Variants in IL17B observed in about 807,000 individuals in gnomAD.
IL17B encodes interleukin-17B.
In IL17B, 14 loss-of-function variants were observed where a neutral mutation model predicts 14.7. The ratio of observed to expected loss-of-function variants is 0.95; its 90% CI spans 0.63 to 1.49. IL17B has a LOEUF of 1.49. IL17B is among the 40% of genes most tolerant of loss of function. The probability of loss-of-function intolerance (pLI) is 0.00; values close to 1 mark genes in which losing one functional copy is unlikely to be tolerated. For synonymous variants in IL17B, 105 were observed against 94.8 expected (o/e 1.11, Z -0.62); for missense variants, 233 against 252.8 (o/e 0.92, Z 0.53).
intron 1 of IL17B, among the ~76,000 whole-genome samples, chr5:149,392,967 TGCGC>T (rs71740356): frequency 6.8e-6 from 1 of 147,394 alleles, no homozygotes; most frequent in African/African-American, 2.5e-5. Context: ...TGCGTGTGTG[TGCGC>T]GCGTGCGTGT....
chr5:149,390,587 G>GCACACA lies in IL17B; in HGVS notation n.95+13515_95+13520dup, dbSNP rs56268721. ...TCACAGCACCTCCATCCCTGAGTTA[G>GCACACA]CACACACACACACACACACACACAC... is the stretch of plus-strand genomic sequence containing the variant. On this transcript the variant is annotated intron_variant and non_coding_transcript_variant, in intron 1 of 2. Transcript: ENST00000505432. Among the ~76,000 whole-genome samples, 571 of 114,900 alleles carry GCACACA rather than the reference G, an allele frequency of 5.0e-3. 4 individuals are homozygous for GCACACA. Among genetic ancestry groups the GCACACA allele is most frequent in the East Asian group, 9.5e-3 (37 of 3,906 alleles). The allele number at this position is 114,900 out of a possible 152,430, so 75.4% of individuals were successfully genotyped here.
upstream of IL17B, among the ~76,000 whole-genome samples, chr5:149,384,125 C>T (rs1758768456): frequency 6.6e-6 from 1 of 152,154 alleles, no homozygotes; most frequent in African/African-American, 2.4e-5. Context: ...ATGCACAGTC[C>T]ATTTTTTAAA....
intron 1 of IL17B, among the ~76,000 whole-genome samples, chr5:149,391,782 A>G (rs115197721): frequency 7.5e-4 from 114 of 152,256 alleles, no homozygotes; most frequent in African/African-American, 2.4e-3. Flanking sequence ...GCAATAGAGG[A>G]GGGTGACTGA....
upstream of IL17B, among the ~76,000 whole-genome samples, chr5:149,379,991 C>T (rs1231715036): frequency 6.6e-6 from 1 of 152,222 alleles, no homozygotes; most frequent in Non-Finnish European, 1.5e-5. Flanking sequence ...CGCCCTCACT[C>T]TGGCCAAGTT....
chr5:149,398,235 T>A (rs546508695), intron 1 of IL17B, among the ~76,000 whole-genome samples: 5 of 152,300 alleles, frequency 3.3e-5, no homozygotes, highest in Admixed American at 1.3e-4. Context: ...CCCATGATTG[T>A]GATTTTAGGG....
intron 1 of IL17B, among the ~76,000 whole-genome samples, chr5:149,393,234 G>A (rs189282955): frequency 1.1e-4 from 17 of 152,242 alleles, no homozygotes; most frequent in African/African-American, 3.6e-4. Flanking sequence ...TGTTCCCTTT[G>A]CTTCAATGCC....
At chr5:149,383,576 CCTT>C (rs1758755373), upstream of IL17B, among the ~76,000 whole-genome samples, 1 of 152,208 alleles carries the variant, frequency 6.6e-6, no homozygotes, top group Non-Finnish European at 1.5e-5. Flanking sequence ...TGGTAGGAGT[CCTT>C]CTCCCAGGCC....
rs539444036 is a variant in IL17B, at chr5:149,394,982, C to T, written n.95+9126G>A. On this transcript the variant is annotated intron_variant and non_coding_transcript_variant, in intron 1 of 2. Coordinates refer to the IL17B transcript ENST00000505432. ...ATTATTTCATCACCCAGGTAACAAA[C>T]GTAATACCTGATAGATACATTTTTT... 9.9e-5 allele frequency among the ~76,000 whole-genome samples: 15 copies of T among 152,212 alleles called. No individual in the cohort carries two copies. The South Asian group carries it at 2.1e-3, about 21-fold the overall frequency.
In IL17B at chr5:149,376,808, G is replaced by A. The variant is rs754362858; in HGVS notation, c.239C>T (p.Ala80Val). Residue 80 changes from alanine to valine, a missense_variant, in exon 2 of 3, where the codon GCC (alanine) becomes GTC (valine). Transcript: ENST00000261796. ...VAQLRNSSEL[A>V]QRKCEVNLQL... is the part of the protein sequence containing the mutation. The stretch of plus-strand genomic sequence containing the variant: ...CAAGTTGACCTCACACTTTCTCTGG[G>A]CCAGCTCTGAGCTGTTCCTCAGCTG... The A allele has an allele frequency of 1.2e-6, 2 of 1,613,810 alleles. No homozygotes were observed. Among genetic ancestry groups the A allele is most frequent in the Non-Finnish European group, 8.5e-7 (1 of 1,179,862 alleles).
At chr5:149,399,569 T>C (rs952416596) in intron 1 of IL17B, among the ~76,000 whole-genome samples, 2 of 152,196 alleles carry the variant, frequency 1.3e-5, no homozygotes, top group Admixed American at 6.5e-5. Context: ...TTTACGAAGT[T>C]AGTTCCCAGC....
intron 1 of IL17B, among the ~76,000 whole-genome samples, chr5:149,401,572 C>T (rs1384224776): frequency 6.6e-6 from 1 of 152,040 alleles, no homozygotes; most frequent in Non-Finnish European, 1.5e-5. Context: ...GGTGTGGCAG[C>T]ACATCTCTAC....
rs1464772815 is a variant in IL17B, at chr5:149,400,324, G to A, written n.95+3784C>T. Among the ~76,000 whole-genome samples, 3 of 152,116 alleles carry A rather than the reference G, an allele frequency of 2.0e-5. No individual in the cohort carries two copies. The East Asian group carries it at 5.8e-4, about 29-fold the overall frequency. On this transcript the variant is annotated intron_variant and non_coding_transcript_variant, in intron 1 of 2. Transcript: ENST00000505432. ...AAAGGCCAAAGATTGCCAGCAAGCC[G>A]CTAGAATCTAGGAGGCCTGGAACAG...
At chr5:149,393,037 GTGCGTGTGTGTGCGCATGTGTGTC>G (rs1200215955) in intron 1 of IL17B, among the ~76,000 whole-genome samples, 1 of 151,742 alleles carries the variant, frequency 6.6e-6, no homozygotes, top group African/African-American at 2.4e-5. Context: ...GGGCGTGTGT[GTGCGTGTGTGTGCGCATGTGTGTC>G]TGCGTGTGTG....
At chr5:149,388,781 ACACTTGCTTC>A (rs949630012) in intron 1 of IL17B, among the ~76,000 whole-genome samples, 6 of 152,270 alleles carry the variant, frequency 3.9e-5, no homozygotes, top group African/African-American at 1.4e-4. Flanking sequence ...CTTCATCACA[ACACTTGCTTC>A]CACAAGTACA....
Position 149,374,575 on chromosome 5 carries a change from G to T in IL17B, c.337C>A (p.Pro113Thr), listed in dbSNP as rs897120821. 2 of 1,612,368 alleles carry T rather than the reference G, an allele frequency of 1.2e-6. No individual in the cohort carries two copies. Among genetic ancestry groups the T allele is most frequent in the Middle Eastern group, 3.3e-4 (2 of 6,060 alleles). The change falls in exon 3 of 3, where the codon CCC becomes ACC. Residue 113 changes from proline (P) to threonine (T), a missense_variant. Physicochemically the swap from Pro to Thr is conservative, Grantham distance 38 (BLOSUM62 -1). Coordinates refer to ENST00000261796, the MANE Select transcript of IL17B (RefSeq NM_014443.3). The surrounding 1 kb of genome is among the most constrained non-coding windows in gnomAD (Gnocchi z 5.0). ...YSINHDPSRI[P>T]VDLPEARCLC... is the part of the protein sequence containing the mutation. Reference sequence around the variant, plus strand: ...CACCGTGCCTCCGGCAGGTCCACGGGGATACGGCTGGGGTCGTGGTTGATG... The same window carrying T: ...CACCGTGCCTCCGGCAGGTCCACGGTGATACGGCTGGGGTCGTGGTTGATG...
intron 1 of IL17B, among the ~76,000 whole-genome samples, chr5:149,402,458 G>A (rs1036249376): frequency 4.6e-5 from 7 of 152,044 alleles, no homozygotes; most frequent in African/African-American, 1.4e-4. Context: ...AGGACAATGA[G>A]TTAATTCACC....
intron 1 of IL17B, among the ~76,000 whole-genome samples, chr5:149,400,009 A>C (rs1759175526): frequency 6.6e-6 from 1 of 152,164 alleles, no homozygotes; most frequent in Admixed American, 6.5e-5. Context: ...AAGCACCCCT[A>C]TATGGGTTTG....
At chr5:149,381,321 CGCAAAAATCTGCATCTTAGCACG>C (rs1241271039), upstream of IL17B, among the ~76,000 whole-genome samples, 3 of 152,304 alleles carry the variant, frequency 2.0e-5, 1 homozygote, top group East Asian at 5.8e-4. Context: ...GAAGTAGCAG[CGCAAAAATCTGCATCTTAGCACG>C]AGGCCAGTTT....
At chr5:149,383,862 A>G (rs1171008184), upstream of IL17B, among the ~76,000 whole-genome samples, 1 of 152,242 alleles carries the variant, frequency 6.6e-6, no homozygotes, top group Non-Finnish European at 1.5e-5. Context: ...TAGGACTCCA[A>G]GAGGTGGTCT....
Sources: gnomAD v4.1 joint callset for allele counts (sites outside exome capture counted in the v4.1 genomes callset) on GRCh38, gnomAD v4.1.1 for gene constraint, Gnocchi (gnomAD v3.1) non-coding constraint, MANE v1.5 for transcripts, NCBI Gene and HGNC (gene_info 2026-07-23, HGNC 2026-07-21) for gene names.